The following DEPTOR variants were observed in gnomAD, a reference collection of about 807,000 sequenced individuals.
The protein encoded by DEPTOR is DEP domain-containing mTOR-interacting protein.
Under a neutral mutation model 41.6 loss-of-function variants are expected in DEPTOR, and 41 were observed. That is an observed-to-expected ratio of 0.98 (90% CI 0.77 to 1.28). The LOEUF (loss-of-function observed/expected upper bound fraction) is 1.28, where lower values mean the gene tolerates loss of function less well. Ranked by LOEUF, DEPTOR falls within the 50% of genes most tolerant of loss-of-function variation. The probability of loss-of-function intolerance (pLI) is 0.00; values close to 1 mark genes in which losing one functional copy is unlikely to be tolerated. For synonymous variants in DEPTOR, 195 were observed against 192.3 expected (o/e 1.01, Z -0.12); for missense variants, 514 against 527.9 (o/e 0.97, Z 0.26).
At chr8:120,048,121 G>C (rs1813180868) in intron 8 of DEPTOR, among the ~76,000 whole-genome samples, 1 of 152,124 alleles carries the variant, frequency 6.6e-6, no homozygotes, top group Non-Finnish European at 1.5e-5. Context: ...GGGTCAGCTG[G>C]AGAGGGCACT....
At chr8:120,014,461 G>C (rs1307925052) in intron 8 of DEPTOR, among the ~76,000 whole-genome samples, 1 of 151,950 alleles carries the variant, frequency 6.6e-6, no homozygotes, top group Non-Finnish European at 1.5e-5. Flanking sequence ...ATTCCAGGAG[G>C]AAAAAAATCT....
chr8:119,947,718 C>T (rs1828300913), intron 3 of DEPTOR, among the ~76,000 whole-genome samples: 1 of 152,278 alleles, frequency 6.6e-6, no homozygotes, highest in South Asian at 2.1e-4. Flanking sequence ...ACTGAAAGCA[C>T]TGTTGCCATA....
Position 119,929,940 on chromosome 8 carries a change from T to G in DEPTOR, c.425+2T>G. 6.2e-7 allele frequency: 1 copy of G among 1,609,384 alleles called. No homozygotes were observed. Among genetic ancestry groups the G allele is most frequent in the Non-Finnish European group, 8.5e-7 (1 of 1,176,710 alleles). On this transcript the variant is annotated splice_donor_variant, in intron 3 of 8. Transcript: ENST00000286234. LOFTEE classifies it high-confidence loss of function. ...GAGAGGACAGAGGCTATATGAAAAGTATGTTCCGCATGAAATCCCCCCTGT... is the reference window on the plus strand; with the variant it reads ...GAGAGGACAGAGGCTATATGAAAAGGATGTTCCGCATGAAATCCCCCCTGT...
chr8:119,981,994 ACAGTGTGAGATTC>A (rs1461206649), intron 4 of DEPTOR, among the ~76,000 whole-genome samples: 2 of 142,174 alleles, frequency 1.4e-5, no homozygotes, highest in African/African-American at 5.3e-5. Context: ...AGCCCAGTCG[ACAGTGTGAGATTC>A]CATCTCTAAA....
Position 120,002,791 on chromosome 8 carries a change from A to AAAATATAT in DEPTOR, c.791-185_791-184insAATATATA. ...GACTCCATCTCAAAAAAAAAAAAAA[A>AAAATATAT]ATATATATATATATATATATAATAT... On this transcript the variant is annotated intron_variant, in intron 5 of 8. Transcript: ENST00000286234. 1.9e-3 allele frequency among the ~76,000 whole-genome samples: 116 copies of AAAATATAT among 60,666 alleles called. 3 individuals carry two copies. Among genetic ancestry groups the AAAATATAT allele is most frequent in the African/African-American group, 7.2e-3 (95 of 13,208 alleles). The allele number at this position is 60,666 out of a possible 152,430, so 39.8% of individuals were successfully genotyped here. A position where few individuals can be genotyped will look rare whatever the true frequency, so the allele number is the denominator to read the frequency against.
chr8:119,918,158 T>C (rs1400893463), intron 1 of DEPTOR, among the ~76,000 whole-genome samples: 1 of 152,120 alleles, frequency 6.6e-6, no homozygotes, highest in Non-Finnish European at 1.5e-5. Context: ...TGGGCCCTTT[T>C]TTCTTTCTCT....
At chr8:119,946,233 G>C (rs2064121206) in intron 3 of DEPTOR, among the ~76,000 whole-genome samples, 1 of 152,000 alleles carries the variant, frequency 6.6e-6, no homozygotes, top group Admixed American at 6.6e-5. Flanking sequence ...CCTAACAAAA[G>C]AGTGTTTCAG....
chr8:119,918,934 A>AGTGTGTGTGTGT (rs139535526), intron 1 of DEPTOR, among the ~76,000 whole-genome samples: 2 of 115,198 alleles, frequency 1.7e-5, no homozygotes, highest in African/African-American at 6.9e-5. Context: ...CTATTTGCAT[A>AGTGTGTGTGTGT]GTGAGTGTGT....
chr8:120,046,174 C>T (rs752813990), intron 8 of DEPTOR, among the ~76,000 whole-genome samples: 6 of 152,118 alleles, frequency 3.9e-5, no homozygotes, highest in African/African-American at 9.7e-5. Flanking sequence ...TGTTTCATTA[C>T]TTAACTAAGA....
At chr8:120,046,523 T>C (rs1443708319) in intron 8 of DEPTOR, among the ~76,000 whole-genome samples, 2 of 152,212 alleles carry the variant, frequency 1.3e-5, no homozygotes, top group Non-Finnish European at 2.9e-5. Context: ...TGTTGTAGCA[T>C]GTTGTATGTT....
intron 4 of DEPTOR, among the ~76,000 whole-genome samples, chr8:119,968,853 C>T (rs1367858412): frequency 6.6e-6 from 1 of 151,998 alleles, no homozygotes; most frequent in Non-Finnish European, 1.5e-5. Flanking sequence ...CATATCTTTG[C>T]TCTACAGAGA....
At chr8:119,905,177 A>G (rs1586608024) in intron 1 of DEPTOR, among the ~76,000 whole-genome samples, 1 of 152,214 alleles carries the variant, frequency 6.6e-6, no homozygotes, top group African/African-American at 2.4e-5. Context: ...CTTGATGGCA[A>G]TATGAAAACC....
intron 1 of DEPTOR, among the ~76,000 whole-genome samples, chr8:119,894,009 T>A (rs1827483019): frequency 6.6e-6 from 1 of 152,158 alleles, no homozygotes; most frequent in Admixed American, 6.5e-5. Flanking sequence ...TTTGGGGAAA[T>A]CATTGCAATC....
chr8:119,991,080 TTCTTTCTTTTTC>T (rs1198955639), intron 4 of DEPTOR, among the ~76,000 whole-genome samples: 17 of 75,886 alleles, frequency 2.2e-4, no homozygotes, highest in African/African-American at 7.3e-4. Flanking sequence ...CTTTCTTTCT[TTCTTTCTTTTTC>T]TTTCTTTCTT....
intron 4 of DEPTOR, among the ~76,000 whole-genome samples, chr8:119,980,452 TTTTTTC>T (rs1455358501): frequency 4.9e-5 from 7 of 141,922 alleles, no homozygotes; most frequent in Admixed American, 1.5e-4. Flanking sequence ...TTCATTTTTC[TTTTTTC>T]TTTTCTTTTC....
At chr8:119,907,849 TA>T (rs113354720) in intron 1 of DEPTOR, among the ~76,000 whole-genome samples, 2,671 of 152,284 alleles carry the variant, frequency 0.018, 85 homozygotes, top group African/African-American at 0.061. Flanking sequence ...TACTGTGATA[TA>T]ATATGAAATA....
rs1002997090 is a variant in DEPTOR, at chr8:119,939,583, G to T, written c.425+9645G>T. Among the ~76,000 whole-genome samples, 3 of 152,248 alleles carry T rather than the reference G, an allele frequency of 2.0e-5. No individual in the cohort carries two copies. The East Asian group carries it at 5.8e-4, about 29-fold the overall frequency. On this transcript the variant is annotated intron_variant, in intron 3 of 8. Coordinates refer to ENST00000286234, the MANE Select transcript of DEPTOR (RefSeq NM_022783.4). ...GCTCACTGCAAACTCCACCTCCCGGGTTCAAGTGATTCTCTTGCCTCAGCC... is the reference window on the plus strand; with the variant it reads ...GCTCACTGCAAACTCCACCTCCCGGTTTCAAGTGATTCTCTTGCCTCAGCC...
intron 1 of DEPTOR, chr8:119,891,368 C>A (rs981982042): frequency 2.6e-5 from 4 of 152,182 alleles, no homozygotes; most frequent in Non-Finnish European, 5.9e-5. Flanking sequence ...TCACCATCCA[C>A]AAAAGTTGTG....
chr8:119,935,389 C>T lies in DEPTOR; in HGVS notation c.425+5451C>T, dbSNP rs566367718. On this transcript the variant is annotated intron_variant, in intron 3 of 8. Transcript: ENST00000286234. ...GTAGAAAGGGTTTTGAGTGCATGTT[C>T]CCCACTGCAAAACTTGATTGGCAAA... is the stretch of plus-strand genomic sequence containing the variant. Among the ~76,000 whole-genome samples, 8 of 152,216 alleles carry T rather than the reference C, an allele frequency of 5.3e-5. No homozygotes were observed. The South Asian group carries it at 1.5e-3, about 28-fold the overall frequency.
Sources: gnomAD v4.1 joint callset for allele counts (sites outside exome capture counted in the v4.1 genomes callset) on GRCh38, gnomAD v4.1.1 for gene constraint, MANE v1.5 for transcripts, NCBI Gene and HGNC (gene_info 2026-07-23, HGNC 2026-07-21) for gene names.